Variants in PCDHA12 observed in about 807,000 individuals in gnomAD.
PCDHA12 encodes the protein protocadherin alpha-12.
PCDHA12 carries 44 observed loss-of-function variants against 60.0 expected under a neutral mutation model. That is an observed-to-expected ratio of 0.73 (90% CI 0.58 to 0.94). The LOEUF is 0.94. Ranked by LOEUF, PCDHA12 falls within the 40% of genes least tolerant of loss-of-function variation. PCDHA12 has a pLI of 0.00. For missense variants in PCDHA12, 1,276 were observed against 1,239.7 expected (o/e 1.03, Z -0.44); for synonymous variants, 569 against 553.0 (o/e 1.03, Z -0.40).
rs370111655 is a variant in PCDHA12, at chr5:140,902,185, TTCTC to T, written c.2367+24358_2367+24361del. Reference sequence around the variant, plus strand: ...TTCTAATTTGGATGTCCTTTATGTCTTCTCTCTCTCTCTCTTTCTTTTTTTTTTT... The same window carrying T: ...TTCTAATTTGGATGTCCTTTATGTCTTCTCTCTCTCTTTCTTTTTTTTTTT... On this transcript the variant is annotated intron_variant, in intron 1 of 3. Coordinates refer to ENST00000398631, the MANE Select transcript of PCDHA12 (RefSeq NM_018903.4). Among the ~76,000 whole-genome samples, 704 of 150,894 alleles carry T rather than the reference TTCTC, an allele frequency of 4.7e-3. 6 individuals carry two copies. Among genetic ancestry groups the T allele is most frequent in the African/African-American group, 0.015 (608 of 41,076 alleles).
At position 140,877,641 on chromosome 5, in the gene PCDHA12, C is replaced by G. The variant is rs548787462; in HGVS notation, c.2169C>G (p.Cys723Trp). ...LTLLLYTALR[C>W]SAPPTVSRCA... ...TGCTGCTGTACACTGCGCTGCGTTG[C>G]TCAGCGCCGCCCACCGTGAGCCGGT... Residue 723 changes from cysteine (C) to tryptophan (W), a missense_variant, in exon 1 of 4, where the codon TGC becomes TGG. Transcript: ENST00000398631. 6.2e-6 allele frequency: 10 copies of G among 1,613,592 alleles called. 1 individual carries two copies. In the South Asian group the frequency reaches 9.9e-5, roughly 16 times the overall value.
intron 1 of PCDHA12, among the ~76,000 whole-genome samples, chr5:140,892,776 T>C (rs2063665865): frequency 6.6e-6 from 1 of 152,224 alleles, no homozygotes; most frequent in East Asian, 1.9e-4. Flanking sequence ...TTCTAGCTTC[T>C]TGAAAATATG....
At chr5:140,994,451 C>T (rs782287082) in intron 3 of PCDHA12, among the ~76,000 whole-genome samples, 14 of 152,116 alleles carry the variant, frequency 9.2e-5, no homozygotes, top group Non-Finnish European at 1.6e-4. Flanking sequence ...ACCTGTGATC[C>T]CAGCACTTTG....
Position 140,922,562 on chromosome 5 carries a change from T to A in PCDHA12, c.2367+44723T>A, listed in dbSNP as rs2080887973. Among the ~76,000 whole-genome samples, 4 of 152,188 alleles carry A rather than the reference T, an allele frequency of 2.6e-5. No individual in the cohort carries two copies. In the South Asian group the frequency reaches 8.3e-4, roughly 31 times the overall value. ...GGCAAGGTAAGGAGAAAAGTCAGGA[T>A]GACAAGTTGCCCTGTAGCCGCCAGT... On this transcript the variant is annotated intron_variant, in intron 1 of 3. Transcript: ENST00000398631.
At chr5:140,969,161 G>A (rs782498682) in intron 1 of PCDHA12, 1 of 1,614,156 alleles carries the variant, frequency 6.2e-7, no homozygotes, top group South Asian at 1.1e-5. Context: ...CTGTCTGACA[G>A]CAGGCTCAGG....
intron 1 of PCDHA12, among the ~76,000 whole-genome samples, chr5:140,972,660 A>ATTTTT (rs11350929): frequency 8.5e-5 from 10 of 117,262 alleles, no homozygotes; most frequent in Non-Finnish European, 1.6e-4. Context: ...AAGAAACCAA[A>ATTTTT]TTTTTTTTTT....
chr5:141,009,533 G>T (rs1410740655), intron 3 of PCDHA12, 94 bp from the exon 4 acceptor site: 1 of 1,509,328 alleles, frequency 6.6e-7, no homozygotes, highest in African/African-American at 1.4e-5. Context: ...GGGAGGTTCA[G>T]CCTGCCTATG....
chr5:140,923,468 G>A (rs2081380588), intron 1 of PCDHA12, among the ~76,000 whole-genome samples: 1 of 152,098 alleles, frequency 6.6e-6, no homozygotes, highest in Admixed American at 6.5e-5. Context: ...GGTAGGGGCT[G>A]CAGTGAGCCA....
intron 1 of PCDHA12, chr5:140,927,292 C>G (rs782109776): frequency 1.3e-5 from 21 of 1,614,162 alleles, no homozygotes; most frequent in Non-Finnish European, 1.7e-6. Context: ...GCTGCACATC[C>G]CCGAGTTCCT....
chr5:140,950,917 A>G (rs1270492994), intron 1 of PCDHA12, among the ~76,000 whole-genome samples: 10 of 151,524 alleles, frequency 6.6e-5, no homozygotes, highest in African/African-American at 2.4e-4. Context: ...ATTTTATTTC[A>G]GTTCTTTTTC....
At chr5:140,923,950 C>T (rs544576500) in intron 1 of PCDHA12, among the ~76,000 whole-genome samples, 3 of 152,266 alleles carry the variant, frequency 2.0e-5, no homozygotes, top group Admixed American at 6.5e-5. Flanking sequence ...TTTTTCCTCA[C>T]GCCCTAATCT....
rs782751899 is a variant in PCDHA12 at position 140,967,272 on chromosome 5, T to G, written c.2368-11677T>G. The G allele has an allele frequency of 1.2e-6, 2 of 1,613,412 alleles. No homozygotes were observed. Among genetic ancestry groups the G allele is most frequent in the East Asian group, 2.2e-5 (1 of 44,860 alleles). On this transcript the variant is annotated intron_variant, in intron 1 of 3. Transcript: ENST00000398631. ...GTGGCGCCTGGAGCGCGCTTTCACA[T>G]AGAGAGTGCGCAGGACCCCGACGTG...
intron 1 of PCDHA12, among the ~76,000 whole-genome samples, chr5:140,892,396 T>G (rs1263522999): frequency 1.3e-5 from 2 of 152,212 alleles, no homozygotes; most frequent in Non-Finnish European, 2.9e-5. Context: ...TCTTAATCTA[T>G]TTCAAGCTTC....
At chr5:140,964,417 C>T (rs1279243450) in intron 1 of PCDHA12, among the ~76,000 whole-genome samples, 15 of 152,088 alleles carry the variant, frequency 9.9e-5, no homozygotes, top group Admixed American at 9.8e-4. Context: ...TGGGGGCTTC[C>T]ATTAAAAAAT....
chr5:140,893,781 G>C (rs113070458), intron 1 of PCDHA12, among the ~76,000 whole-genome samples: 1 of 151,996 alleles, frequency 6.6e-6, no homozygotes, highest in Non-Finnish European at 1.5e-5. Context: ...TTCTTTTACC[G>C]TTTTTAGAAT....
At chr5:140,977,619 C>T (rs1289978944) in intron 1 of PCDHA12, among the ~76,000 whole-genome samples, 1 of 152,240 alleles carries the variant, frequency 6.6e-6, no homozygotes, top group African/African-American at 2.4e-5. Context: ...TAAAGTATCC[C>T]AGAGTTGTAA....
chr5:140,886,828 A>G (rs74967108), intron 1 of PCDHA12, among the ~76,000 whole-genome samples: 4 of 133,052 alleles, frequency 3.0e-5, no homozygotes, highest in Non-Finnish European at 6.5e-5. Flanking sequence ...CTTCGTCTTG[A>G]AAAAAAAAAA....
intron 1 of PCDHA12, among the ~76,000 whole-genome samples, chr5:140,897,896 T>C (rs1377037458): frequency 6.6e-6 from 1 of 152,204 alleles, no homozygotes; most frequent in Non-Finnish European, 1.5e-5. Context: ...TGGTGTGAGA[T>C]GGTATCTCAT....
At chr5:140,916,832 G>A (rs1286597127) in intron 1 of PCDHA12, among the ~76,000 whole-genome samples, 3 of 152,104 alleles carry the variant, frequency 2.0e-5, no homozygotes, top group East Asian at 1.9e-4. Context: ...TATCCCTCTG[G>A]TTCTGAGCCC....
Sources: allele counts gnomAD v4.1 joint callset (sites outside exome capture counted in the v4.1 genomes callset), GRCh38; gene constraint gnomAD v4.1.1; transcripts MANE v1.5; gene names NCBI Gene and HGNC (gene_info 2026-07-23, HGNC 2026-07-21).